NMNAT3: variants seen among roughly 807,000 people sequenced by gnomAD.
NMNAT3 encodes the protein nicotinamide nucleotide adenylyltransferase 3.
A neutral mutation model predicts 24.8 loss-of-function variants in NMNAT3; 21 were observed. That is an observed-to-expected ratio of 0.85 (90% CI 0.60 to 1.22). The LOEUF is 1.22. Ranked by LOEUF, NMNAT3 falls within the 50% of genes most tolerant of loss-of-function variation. The probability of loss-of-function intolerance (pLI) is 0.00; values close to 1 mark genes in which losing one functional copy is unlikely to be tolerated. For synonymous variants in NMNAT3, 136 were observed against 155.2 expected, an observed-to-expected ratio of 0.88 and a Z score of 0.92; for missense variants, 387 against 436.6, an observed-to-expected ratio of 0.89 and a Z score of 1.01.
At position 139,627,686 on chromosome 3, in the gene NMNAT3, G is replaced by A; in HGVS notation, c.39C>T (p.Gly13=). The A allele has an allele frequency of 6.3e-7, 1 of 1,596,224 alleles. No homozygotes were observed. The highest frequency in any genetic ancestry group is 8.5e-7 in the Non-Finnish European group (1 of 1,178,558). The change falls in exon 3 of 7, where the codon GGC becomes GGT. Residue 13 remains glycine (G), a synonymous_variant. Coordinates refer to ENST00000643695, the MANE Select transcript of NMNAT3 (RefSeq NM_001320510.2). The stretch of plus-strand genomic sequence containing the variant: ...GCATGTTGGTGATGGGGTTAAAGGA[G>A]CCACAGGCCAGGAGCACCACAGGTA...
chr3:139,566,366 A>T (rs1937214844), intron 6 of NMNAT3: 1 of 152,170 alleles, frequency 6.6e-6, no homozygotes, highest in Non-Finnish European at 1.5e-5. Flanking sequence ...CTTTAGTTTA[A>T]TTAGATCCCA....
rs761463315 is a variant in NMNAT3 at position 139,579,043 on chromosome 3, A to C, written c.404T>G (p.Val135Gly). ...GACAGGAGAGATGATACCCTGGATGACCTGGTACATTCCTAGGTAAGAGAG... is the reference window on the plus strand; with the variant it reads ...GACAGGAGAGATGATACCCTGGATGCCCTGGTACATTCCTAGGTAAGAGAG... The change falls in exon 5 of 7, where the codon GTC (valine) becomes GGC (glycine). Residue 135 changes from valine (V) to glycine (G), a missense_variant. By Grantham distance (109) the Val-to-Gly change is moderately radical (BLOSUM62 -3). Coordinates refer to ENST00000643695, the MANE Select transcript of NMNAT3 (RefSeq NM_001320510.2). 1 of 1,613,674 alleles carries C rather than the reference A, an allele frequency of 6.2e-7. No individual in the cohort carries two copies. The highest frequency in any genetic ancestry group is 1.7e-5 in the Admixed American group (1 of 59,970).
intron 6 of NMNAT3, chr3:139,567,791 T>A (rs1937483088): frequency 6.6e-6 from 1 of 152,182 alleles, no homozygotes; most frequent in African/African-American, 2.4e-5. Context: ...AGGATATTGG[T>A]CTAAAATTCT....
At chr3:139,608,142 G>A (rs1343878945) in intron 3 of NMNAT3, among the ~76,000 whole-genome samples, 1 of 152,214 alleles carries the variant, frequency 6.6e-6, no homozygotes, top group African/African-American at 2.4e-5. Flanking sequence ...CCATTTGGAA[G>A]ACAAAGATGG....
At chr3:139,665,311 G>A (rs769733117) in intron 1 of NMNAT3, among the ~76,000 whole-genome samples, 23 of 152,270 alleles carry the variant, frequency 1.5e-4, no homozygotes, top group African/African-American at 4.1e-4. Flanking sequence ...AAGAGGAGGC[G>A]AAACACAGGC....
intron 3 of NMNAT3, among the ~76,000 whole-genome samples, chr3:139,587,756 G>A (rs993844924): frequency 5.9e-5 from 9 of 152,168 alleles, no homozygotes; most frequent in Non-Finnish European, 1.2e-4. Flanking sequence ...TTATACATGG[G>A]ACATACATGC....
chr3:139,601,695 T>TG (rs2054723861), intron 3 of NMNAT3, among the ~76,000 whole-genome samples: 2 of 151,782 alleles, frequency 1.3e-5, no homozygotes, highest in Admixed American at 1.3e-4. Context: ...TCTCACAGGA[T>TG]GGGGTTGGGG....
At chr3:139,599,609 C>G (rs1017080709) in intron 3 of NMNAT3, 2 of 577,782 alleles carry the variant, frequency 3.5e-6, no homozygotes, top group African/African-American at 3.7e-5. Context: ...TACAAACAGA[C>G]TGTTGTGATT....
At chr3:139,662,744 T>A (rs1473465656) in intron 1 of NMNAT3, among the ~76,000 whole-genome samples, 1 of 152,170 alleles carries the variant, frequency 6.6e-6, no homozygotes, top group Non-Finnish European at 1.5e-5. Flanking sequence ...GTGTCTTCTA[T>A]TGGCCTCTTA....
intron 4 of NMNAT3, 28 bp from the exon 5 acceptor site, chr3:139,579,083 A>G (rs759271731): frequency 6.3e-7 from 1 of 1,590,504 alleles, no homozygotes; most frequent in East Asian, 2.2e-5. Flanking sequence ...GTGGTGTTGC[A>G]CATACAGACA....
chr3:139,633,822 G>A (rs2056397592), intron 2 of NMNAT3, among the ~76,000 whole-genome samples: 1 of 152,164 alleles, frequency 6.6e-6, no homozygotes, highest in Admixed American at 6.5e-5. Context: ...GGGTGCCTAT[G>A]GAGTTTAGAT....
intron 3 of NMNAT3, among the ~76,000 whole-genome samples, chr3:139,618,711 C>T (rs2055623321): frequency 6.6e-6 from 1 of 152,194 alleles, no homozygotes; most frequent in Admixed American, 6.5e-5. Flanking sequence ...CAGACTTAAT[C>T]ATGAGTTGAT....
chr3:139,583,021 G>A lies in NMNAT3; in HGVS notation c.297C>T (p.Asp99=), dbSNP rs2053737217. 6.2e-7 allele frequency: 1 copy of A among 1,606,706 alleles called. No homozygotes were observed. Among genetic ancestry groups the A allele is most frequent in the African/African-American group, 1.3e-5 (1 of 74,606 alleles). Residue 99 remains aspartate (D), a synonymous_variant, in exon 4 of 7, where the codon GAC becomes GAT. Transcript: ENST00000643695. The stretch of plus-strand genomic sequence containing the variant: ...TCAGTGTTGTGCCTTTGCACTTGCT[G>A]TCATTCAAATCACAGAACGCTTGTT...
chr3:139,628,525 T>C (rs546637123), intron 2 of NMNAT3, among the ~76,000 whole-genome samples: 3 of 152,358 alleles, frequency 2.0e-5, no homozygotes, highest in African/African-American at 7.2e-5. Context: ...TATTATCTAA[T>C]GTGCAGACTG....
chr3:139,561,595 T>C (rs902771157), intron 6 of NMNAT3, among the ~76,000 whole-genome samples: 10 of 152,274 alleles, frequency 6.6e-5, no homozygotes, highest in Non-Finnish European at 1.2e-4. Flanking sequence ...ATTTAATCAA[T>C]ACACCTTTTG....
chr3:139,660,316 C>A (rs938945022), intron 1 of NMNAT3, among the ~76,000 whole-genome samples: 1 of 152,168 alleles, frequency 6.6e-6, no homozygotes, highest in Non-Finnish European at 1.5e-5. Context: ...TTTATTTTCA[C>A]TATGATTTTT....
At chr3:139,591,962 G>A (rs1265912752) in intron 3 of NMNAT3, among the ~76,000 whole-genome samples, 2 of 152,248 alleles carry the variant, frequency 1.3e-5, no homozygotes, top group Non-Finnish European at 2.9e-5. Flanking sequence ...GAACAAAGCT[G>A]GATGGAGAAT....
intron 1 of NMNAT3, among the ~76,000 whole-genome samples, chr3:139,673,770 A>C (rs1455934041): frequency 3.3e-5 from 5 of 152,022 alleles, no homozygotes; most frequent in African/African-American, 1.2e-4. Context: ...GTATGTGTAG[A>C]AGAAAGAAAG....
At chr3:139,663,582 T>A (rs1472837663) in intron 1 of NMNAT3, among the ~76,000 whole-genome samples, 3 of 152,222 alleles carry the variant, frequency 2.0e-5, no homozygotes, top group African/African-American at 7.2e-5. Context: ...CTTCACTGTG[T>A]GAATTTGGGC....
Sources: gnomAD v4.1 joint callset for allele counts (sites outside exome capture counted in the v4.1 genomes callset) on GRCh38, gnomAD v4.1.1 for gene constraint, MANE v1.5 for transcripts, NCBI Gene and HGNC (gene_info 2026-07-23, HGNC 2026-07-21) for gene names.